MPP7: variants seen among roughly 807,000 people sequenced by gnomAD.
MPP7 encodes MAGUK p55 subfamily member 7.
Under a neutral mutation model 76.5 loss-of-function variants are expected in MPP7, and 60 were observed. The ratio of observed to expected loss-of-function variants is 0.78; its 90% CI spans 0.64 to 0.97. MPP7 has a LOEUF of 0.97. MPP7 is among the 50% of genes least tolerant of loss of function. The pLI is 0.00. For missense variants in MPP7, 641 were observed against 694.0 expected (o/e 0.92, Z 0.86); for synonymous variants, 237 against 244.5 (o/e 0.97, Z 0.29).
At chr10:28,087,243 C>T (rs1325502758) in intron 12 of MPP7, among the ~76,000 whole-genome samples, 1 of 152,202 alleles carries the variant, frequency 6.6e-6, no homozygotes, top group East Asian at 1.9e-4. Flanking sequence ...CCTTCGCCTT[C>T]CACAAGTCAA....
chr10:28,172,958 T>C (rs1836734113), intron 3 of MPP7, among the ~76,000 whole-genome samples: 2 of 152,202 alleles, frequency 1.3e-5, no homozygotes, highest in South Asian at 2.1e-4. Flanking sequence ...TCATGTGGAC[T>C]GACCCCTTTA....
chr10:28,298,993 G>A (rs60695945), intron 1 of MPP7, among the ~76,000 whole-genome samples: 2,295 of 152,232 alleles, frequency 0.015, 37 homozygotes, highest in East Asian at 0.071. Flanking sequence ...GTTTTGCTCT[G>A]CTGGCTTAAG....
rs796460736 is a variant in MPP7 at position 28,262,228 on chromosome 10, T to C, written c.-131-23493A>G. Among the ~76,000 whole-genome samples, 90 of 31,286 alleles carry C rather than the reference T, an allele frequency of 2.9e-3. 11 individuals are homozygous for C. The highest frequency in any genetic ancestry group is 0.011 in the African/African-American group (76 of 6,924). The allele number at this position is 31,286 out of a possible 152,430, so 20.5% of individuals were successfully genotyped here. A position where few individuals can be genotyped will look rare whatever the true frequency, so the allele number is the denominator to read the frequency against. On this transcript the variant is annotated intron_variant, in intron 1 of 16. Coordinates refer to ENST00000683449, the MANE Select transcript of MPP7 (RefSeq NM_001318170.2). Reference sequence around the variant, plus strand: ...ATATACATATATATATATATATACATATATATATATATATACATATATATA... The same window carrying C: ...ATATACATATATATATATATATACACATATATATATATATACATATATATA...
In MPP7 at chr10:28,147,391, C is replaced by T. The variant is rs997998017; in HGVS notation, c.315+92G>A. ...CTGTGCCCTATTCAAAATACATTTA[C>T]TTGAGAATTGATGCTCGAAACAAAA... On this transcript the variant is annotated intron_variant, in intron 5 of 16. Coordinates refer to ENST00000683449, the MANE Select transcript of MPP7 (RefSeq NM_001318170.2). 1.6e-5 allele frequency: 15 copies of T among 946,476 alleles called. No homozygotes were observed. The South Asian group carries it at 1.7e-4, about 11-fold the overall frequency. 58.6% of individuals were successfully genotyped at this position (946,476 alleles called of 1,614,324 possible).
intron 3 of MPP7, among the ~76,000 whole-genome samples, chr10:28,188,739 G>A (rs1238019881): frequency 1.3e-5 from 2 of 150,240 alleles, no homozygotes; most frequent in African/African-American, 2.4e-5. Context: ...TTTACCTCTA[G>A]AGGACAAGGA....
At chr10:28,134,276 G>A (rs879469580) in intron 5 of MPP7, among the ~76,000 whole-genome samples, 19 of 152,080 alleles carry the variant, frequency 1.2e-4, no homozygotes, top group Non-Finnish European at 1.8e-4. Flanking sequence ...GAATGAGAAC[G>A]AAACCCATTT....
chr10:28,168,401 C>T (rs531726382), intron 3 of MPP7, among the ~76,000 whole-genome samples: 6 of 152,228 alleles, frequency 3.9e-5, no homozygotes, highest in Admixed American at 2.6e-4. Context: ...TCTCAAATTA[C>T]GGCTAGTTTT....
chr10:28,262,229 A>ATATATATATGTG (rs1839996123), intron 1 of MPP7, among the ~76,000 whole-genome samples: 1 of 51,190 alleles, frequency 2.0e-5, no homozygotes, highest in African/African-American at 1.2e-4. Context: ...ATATATACAT[A>ATATATATATGTG]TATATATATA....
At chr10:28,166,600 T>C (rs2985517) in intron 3 of MPP7, among the ~76,000 whole-genome samples, 113,238 of 151,294 alleles carry the variant, frequency 0.75, 42,498 homozygotes, top group Middle Eastern at 0.83. Context: ...AGAGATGGGG[T>C]TTCTCCATGT....
chr10:28,164,209 G>A (rs1235484413), intron 3 of MPP7, among the ~76,000 whole-genome samples: 2 of 152,160 alleles, frequency 1.3e-5, no homozygotes, highest in South Asian at 2.1e-4. Context: ...CCGACTGTCT[G>A]CAGTTTGAGA....
chr10:28,219,389 C>T (rs1419623359), intron 2 of MPP7, among the ~76,000 whole-genome samples: 3 of 152,070 alleles, frequency 2.0e-5, no homozygotes, highest in Admixed American at 1.3e-4. Flanking sequence ...GTTCCCGCAG[C>T]GAACAATTCA....
chr10:28,110,659 A>T (rs186662571), intron 11 of MPP7, among the ~76,000 whole-genome samples: 18 of 152,320 alleles, frequency 1.2e-4, no homozygotes, highest in Admixed American at 1.2e-3. Flanking sequence ...TTTAAGTCAC[A>T]TGAATACTAG....
At chr10:28,176,894 G>T (rs1343795285) in intron 3 of MPP7, among the ~76,000 whole-genome samples, 5 of 131,492 alleles carry the variant, frequency 3.8e-5, no homozygotes, top group Non-Finnish European at 8.1e-5. Context: ...GGGGGGTGGG[G>T]GAGGGATAGC....
At chr10:28,180,085 A>G (rs995467009) in intron 3 of MPP7, among the ~76,000 whole-genome samples, 1 of 152,218 alleles carries the variant, frequency 6.6e-6, no homozygotes, top group African/African-American at 2.4e-5. Context: ...TTCAAAAAAA[A>G]TAGGAAAGTT....
intron 1 of MPP7, among the ~76,000 whole-genome samples, chr10:28,261,349 G>A (rs922946467): frequency 3.3e-5 from 5 of 152,166 alleles, no homozygotes; most frequent in African/African-American, 1.2e-4. Context: ...CAACACGGTG[G>A]CTTTGCGCTC....
intron 3 of MPP7, among the ~76,000 whole-genome samples, chr10:28,190,815 G>C (rs61843022): frequency 6.7e-6 from 1 of 149,748 alleles, no homozygotes; most frequent in African/African-American, 2.5e-5. Context: ...AATGAAACTG[G>C]AACAAAAAAA....
intron 1 of MPP7, among the ~76,000 whole-genome samples, chr10:28,284,308 C>T (rs1589027848): frequency 6.6e-6 from 1 of 152,166 alleles, no homozygotes; most frequent in African/African-American, 2.4e-5. Context: ...TTTATATAAT[C>T]TTCTGTTGTC....
chr10:28,091,650 T>A (rs1012799890), intron 11 of MPP7, among the ~76,000 whole-genome samples: 2 of 152,212 alleles, frequency 1.3e-5, no homozygotes, highest in African/African-American at 4.8e-5. Flanking sequence ...TAATAACTAA[T>A]CTGTGTGGAT....
rs772252421 is a variant in MPP7, at chr10:28,277,269, T to C, written c.-132+25592A>G. On this transcript the variant is annotated intron_variant, in intron 1 of 16. Coordinates refer to ENST00000683449, the MANE Select transcript of MPP7 (RefSeq NM_001318170.2). The stretch of plus-strand genomic sequence containing the variant: ...TGTCTCAGTTTACTTATGAGGGAAC[T>C]GAGTCCAATCTTTTGGCTTTCCTGG... 2.2e-4 allele frequency among the ~76,000 whole-genome samples: 34 copies of C among 151,962 alleles called. 1 individual carries two copies. The highest frequency in any genetic ancestry group is 4.3e-4 in the Non-Finnish European group (29 of 68,004).
Sources: gnomAD v4.1 joint callset for allele counts (sites outside exome capture counted in the v4.1 genomes callset) on GRCh38, gnomAD v4.1.1 for gene constraint, MANE v1.5 for transcripts, NCBI Gene and HGNC (gene_info 2026-07-23, HGNC 2026-07-21) for gene names.